Variants in USP45 observed in about 807,000 individuals in gnomAD.
USP45 encodes ubiquitin carboxyl-terminal hydrolase 45.
A neutral mutation model predicts 95.8 loss-of-function variants in USP45; 89 were observed. That is an observed-to-expected ratio of 0.93 (90% CI 0.78 to 1.11). The LOEUF is 1.11. Among genes scored for constraint, USP45 ranks in the 50% least tolerant of loss-of-function variants. The probability of loss-of-function intolerance (pLI) is 0.00; values close to 1 mark genes in which losing one functional copy is unlikely to be tolerated. For missense variants in USP45, 898 were observed against 942.5 expected (o/e 0.95, Z 0.62); for synonymous variants, 281 against 316.2 (o/e 0.89, Z 1.18).
rs969237465 is a variant in USP45, at chr6:99,488,429, T to C, written c.619-134A>G. The C allele has an allele frequency of 4.3e-5, 30 of 699,318 alleles. No homozygotes were observed. The African/African-American group carries it at 4.6e-4, about 11-fold the overall frequency. The allele number at this position is 699,318 out of a possible 1,614,324, so 43.3% of individuals were successfully genotyped here. A position where few individuals can be genotyped will look rare whatever the true frequency, so the allele number is the denominator to read the frequency against. On this transcript the variant is annotated intron_variant, in intron 6 of 17. Coordinates refer to ENST00000500704, the MANE Select transcript of USP45 (RefSeq NM_001346022.3). ...AAATATTAAGATTTAGTTGAGTACA[T>C]TTTACATTTAGTAAAGGTCACTATT...
At chr6:99,510,320 A>AAGT in intron 1 of USP45, 90 bp from the exon 2 acceptor site, 2 of 817,092 alleles carry the variant, frequency 2.4e-6, no homozygotes, top group Non-Finnish European at 3.9e-6. Context: ...AACTGAAATG[A>AAGT]CTTCAATTTC....
Position 99,446,606 on chromosome 6 carries a change from G to T in USP45, c.1309-143C>A, listed in dbSNP as rs1782603517. 2.2e-5 allele frequency: 17 copies of T among 789,120 alleles called. 1 individual carries two copies. The East Asian group carries it at 4.0e-4, about 19-fold the overall frequency. 48.9% of individuals were successfully genotyped at this position (789,120 alleles called of 1,614,324 possible). On this transcript the variant is annotated intron_variant, in intron 13 of 17. Transcript: ENST00000500704. ...AAGCCTACTGAAACTAAGATCACTA[G>T]AAGATATACTAAAAAATAGTTCTAT...
intron 13 of USP45, chr6:99,462,826 T>A: frequency 3.0e-6 from 1 of 336,708 alleles, no homozygotes; most frequent in South Asian, 8.2e-5. Context: ...CTACAAAAAA[T>A]AACAAAAATT....
rs534884675 is a variant in USP45, at chr6:99,486,947, A to G, written c.714+1253T>C. The stretch of plus-strand genomic sequence containing the variant: ...TCAGAAACACACCTATCGTTGAACT[A>G]GGTGGGTTTATTACTTGTGGCAGTG... On this transcript the variant is annotated intron_variant, in intron 7 of 17. Transcript: ENST00000500704. Among the ~76,000 whole-genome samples the G allele has an allele frequency of 5.3e-5, 8 of 152,166 alleles. No individual in the cohort carries two copies. In the South Asian group the frequency reaches 1.2e-3, roughly 24 times the overall value.
chr6:99,496,758 T>TA (rs796331280), intron 5 of USP45, among the ~76,000 whole-genome samples: 11 of 149,878 alleles, frequency 7.3e-5, no homozygotes, highest in South Asian at 4.2e-4. Flanking sequence ...TGGCCCACTT[T>TA]AAAAAAAAAA....
At chr6:99,511,160 G>A (rs1357329922) in intron 1 of USP45, among the ~76,000 whole-genome samples, 1 of 149,828 alleles carries the variant, frequency 6.7e-6, no homozygotes, top group Non-Finnish European at 1.5e-5. Context: ...ATACTAATTA[G>A]ATTCCACATT....
intron 9 of USP45, among the ~76,000 whole-genome samples, chr6:99,471,871 G>A (rs1789479523): frequency 6.6e-6 from 1 of 152,164 alleles, no homozygotes. Flanking sequence ...TGCAGCTCCT[G>A]CCCTGATACT....
intron 7 of USP45, 29 bp downstream of exon 7, chr6:99,488,171 C>T: frequency 1.4e-6 from 2 of 1,473,204 alleles, no homozygotes; most frequent in South Asian, 1.2e-5. Context: ...CATCTGAAAG[C>T]AGCTATTATT....
At chr6:99,435,890 TA>T in intron 17 of USP45, 44 bp from the exon 18 acceptor site, 1 of 1,563,476 alleles carries the variant, frequency 6.4e-7, no homozygotes, top group Non-Finnish European at 8.7e-7. Flanking sequence ...AAGTATGCTT[TA>T]GGTTCTTACT....
Position 99,434,572 on chromosome 6 carries a change from A to AT in USP45, c.*1143dup. 6.6e-6 allele frequency: 1 copy of AT among 152,158 alleles called. No individual in the cohort carries two copies. The highest frequency in any genetic ancestry group is 6.5e-5 in the Admixed American group (1 of 15,282). 9.4% of individuals were successfully genotyped at this position (152,158 alleles called of 1,614,324 possible). A position where few individuals can be genotyped will look rare whatever the true frequency, so the allele number is the denominator to read the frequency against. The stretch of plus-strand genomic sequence containing the variant: ...TTGTATTCTAGAGGGGAAAAATGAT[A>AT]TTTTTGCTATTATTTAAAAAGAAAA... On this transcript the variant is annotated 3_prime_UTR_variant, in exon 18 of 18. Transcript: ENST00000500704.
chr6:99,507,075 C>A (rs1309055348), intron 4 of USP45, among the ~76,000 whole-genome samples: 1 of 152,146 alleles, frequency 6.6e-6, no homozygotes, highest in African/African-American at 2.4e-5. Context: ...GGCATGGCGG[C>A]ATGCGCCTGT....
intron 1 of USP45, among the ~76,000 whole-genome samples, chr6:99,514,252 T>A (rs1482841168): frequency 6.6e-6 from 1 of 152,122 alleles, no homozygotes; most frequent in African/African-American, 2.4e-5. Context: ...GCGGTCTCCC[T>A]CCCAAGAGGG....
chr6:99,460,133 T>G (rs1786060058), intron 13 of USP45, among the ~76,000 whole-genome samples: 1 of 152,230 alleles, frequency 6.6e-6, no homozygotes, highest in Non-Finnish European at 1.5e-5. Context: ...CCTTTTTTCC[T>G]TACCTGATGC....
At chr6:99,450,047 T>G (rs1193554705) in intron 13 of USP45, among the ~76,000 whole-genome samples, 2 of 152,076 alleles carry the variant, frequency 1.3e-5, no homozygotes, top group Non-Finnish European at 2.9e-5. Flanking sequence ...AGAGGGAAAT[T>G]TATAGTACTA....
upstream of USP45, among the ~76,000 whole-genome samples, chr6:99,515,657 C>G (rs1439134258): frequency 1.3e-5 from 2 of 152,126 alleles, no homozygotes; most frequent in African/African-American, 4.8e-5. Flanking sequence ...TTGTTAGGAT[C>G]CTGGGCCAGC....
At position 99,461,537 on chromosome 6, in the gene USP45, C is replaced by A. The variant is rs550827517; in HGVS notation, c.1308+3067G>T. The A allele has an allele frequency of 4.1e-4, 406 of 985,318 alleles. 2 individuals carry two copies. The African/African-American group carries it at 6.8e-3, about 16-fold the overall frequency. The allele number at this position is 985,318 out of a possible 1,614,324, so 61.0% of individuals were successfully genotyped here. On this transcript the variant is annotated intron_variant, in intron 13 of 17. Coordinates refer to ENST00000500704, the MANE Select transcript of USP45 (RefSeq NM_001346022.3). ...GGATTATTTGCCTGTTATCAGTAAG[C>A]AAAAGAAAATGCACTTTTTCAAGGT...
At position 99,507,550 on chromosome 6, in the gene USP45, T is replaced by C. The variant is rs774675487; in HGVS notation, c.274-19A>G. On this transcript the variant is annotated intron_variant, in intron 3 of 17. Coordinates refer to ENST00000500704, the MANE Select transcript of USP45 (RefSeq NM_001346022.3). The stretch of plus-strand genomic sequence containing the variant: ...CACATCCCTGAAGATGAACAGAATT[T>C]TATTTTGTATGACTTACAAATGTTT... The C allele has an allele frequency of 3.1e-5, 45 of 1,459,228 alleles. No individual in the cohort carries two copies. Among genetic ancestry groups the C allele is most frequent in the Non-Finnish European group, 3.4e-5 (35 of 1,044,264 alleles). The allele number at this position is 1,459,228 out of a possible 1,614,324, so 90.4% of individuals were successfully genotyped here.
At position 99,466,638 on chromosome 6, in the gene USP45, C is replaced by T. The variant is rs1269969032; in HGVS notation, c.1107+34G>A. The T allele has an allele frequency of 1.0e-5, 15 of 1,486,448 alleles. No homozygotes were observed. The Admixed American group carries it at 1.6e-4, about 16-fold the overall frequency. 92.1% of individuals were successfully genotyped at this position (1,486,448 alleles called of 1,614,324 possible). A position where few individuals can be genotyped will look rare whatever the true frequency, so the allele number is the denominator to read the frequency against. ...TAATAAAAATGATGTGATTGTAATC[C>T]ATTCCATGCTGAATTGAATTCTAAA... On this transcript the variant is annotated intron_variant, in intron 11 of 17. Transcript: ENST00000500704.
intron 13 of USP45, among the ~76,000 whole-genome samples, chr6:99,452,032 AG>A (rs1783977491): frequency 6.6e-6 from 1 of 152,240 alleles, no homozygotes; most frequent in Non-Finnish European, 1.5e-5. Flanking sequence ...AATTAATTCA[AG>A]ATGGATCAAA....
Sources: allele counts gnomAD v4.1 joint callset (sites outside exome capture counted in the v4.1 genomes callset), GRCh38; gene constraint gnomAD v4.1.1; transcripts MANE v1.5; gene names NCBI Gene and HGNC (gene_info 2026-07-23, HGNC 2026-07-21).